Variants in DYNLRB1 observed in about 807,000 individuals in gnomAD.
DYNLRB1 encodes the protein ROBL/LC7-like 1.
A neutral mutation model predicts 13.5 loss-of-function variants in DYNLRB1; 6 were observed. That is an observed-to-expected ratio of 0.44 (90% CI 0.24 to 0.88). The LOEUF (loss-of-function observed/expected upper bound fraction) is 0.88, where lower values mean the gene tolerates loss of function less well. DYNLRB1 is among the 40% of genes least tolerant of loss of function. The pLI, the probability that DYNLRB1 is intolerant of heterozygous loss-of-function variation, is 0.21. For synonymous variants in DYNLRB1, 43 were observed against 45.0 expected, an observed-to-expected ratio of 0.96 and a Z score of 0.18; for missense variants, 93 against 127.2, an observed-to-expected ratio of 0.73 and a Z score of 1.29.
At chr20:34,522,753 C>G (rs1979856910) in intron 1 of DYNLRB1, among the ~76,000 whole-genome samples, 1 of 152,176 alleles carries the variant, frequency 6.6e-6, no homozygotes, top group Non-Finnish European at 1.5e-5. Flanking sequence ...GGATTACAGG[C>G]ATGAGCCACT....
intron 1 of DYNLRB1, 146 bp downstream of exon 1, chr20:34,516,607 T>C: frequency 6.6e-7 from 1 of 1,514,488 alleles, no homozygotes; most frequent in Non-Finnish European, 8.8e-7. Flanking sequence ...CCAGCCGACT[T>C]GAGGGTGGAA....
intron 2 of DYNLRB1, among the ~76,000 whole-genome samples, chr20:34,534,210 A>G (rs949856059): frequency 6.6e-6 from 1 of 152,214 alleles, no homozygotes; most frequent in Admixed American, 6.5e-5. Flanking sequence ...TTTGGACAAA[A>G]AAATAAAAAC....
At chr20:34,520,691 C>T (rs1393776664) in intron 1 of DYNLRB1, among the ~76,000 whole-genome samples, 7 of 151,934 alleles carry the variant, frequency 4.6e-5, no homozygotes, top group South Asian at 4.2e-4. Flanking sequence ...TCAGGTGATC[C>T]GCCTGCCTCA....
At chr20:34,538,661 C>T (rs986515270) in intron 3 of DYNLRB1, among the ~76,000 whole-genome samples, 6 of 152,082 alleles carry the variant, frequency 3.9e-5, no homozygotes, top group Non-Finnish European at 5.9e-5. Context: ...TTTCTGTTTT[C>T]ATTAGTGATT....
chr20:34,518,931 C>T (rs948034117), intron 1 of DYNLRB1, among the ~76,000 whole-genome samples: 2 of 150,378 alleles, frequency 1.3e-5, no homozygotes, highest in East Asian at 3.9e-4. Context: ...CTTGCCCTTT[C>T]GCCCAGGCTG....
At chr20:34,522,928 G>A (rs2146621129) in intron 1 of DYNLRB1, among the ~76,000 whole-genome samples, 1 of 152,310 alleles carries the variant, frequency 6.6e-6, no homozygotes, top group South Asian at 2.1e-4. Flanking sequence ...TTGCAGAAAT[G>A]CTTTTTATTT....
intron 1 of DYNLRB1, among the ~76,000 whole-genome samples, chr20:34,518,447 C>T (rs1169289109): frequency 1.3e-5 from 2 of 151,884 alleles, no homozygotes; most frequent in Non-Finnish European, 2.9e-5. Flanking sequence ...AAATAAAATT[C>T]CCACTCTCCT....
chr20:34,515,892 T>G (rs758481400), upstream of DYNLRB1, among the ~76,000 whole-genome samples: 1 of 151,688 alleles, frequency 6.6e-6, no homozygotes, highest in African/African-American at 2.4e-5. Flanking sequence ...ACCAGCATGG[T>G]TTTTGTTTTG....
chr20:34,517,053 A>G (rs1230392692), intron 1 of DYNLRB1, among the ~76,000 whole-genome samples: 1 of 152,012 alleles, frequency 6.6e-6, no homozygotes, highest in Non-Finnish European at 1.5e-5. Flanking sequence ...AGAGTCAGGA[A>G]CGGGCGGGGT....
At chr20:34,520,233 T>C (rs574612516) in intron 1 of DYNLRB1, among the ~76,000 whole-genome samples, 123 of 152,368 alleles carry the variant, frequency 8.1e-4, no homozygotes, top group African/African-American at 2.6e-3. Context: ...CTTCCTCTTT[T>C]GTTCACATAT....
rs560144364 is a variant in DYNLRB1 at position 34,529,796 on chromosome 20, C to T, written c.79+3453C>T. The T allele has an allele frequency of 1.3e-5, 17 of 1,337,684 alleles. No homozygotes were observed. The East Asian group carries it at 3.0e-4, about 24-fold the overall frequency. The allele number at this position is 1,337,684 out of a possible 1,614,324, so 82.9% of individuals were successfully genotyped here. ...CTGGCAAGCACAGAGCTAGACAGAA[C>T]GTGCTCCCCAGCCCTGTCTAGTTCT... On this transcript the variant is annotated intron_variant, in intron 2 of 3. Coordinates refer to ENST00000357156, the MANE Select transcript of DYNLRB1 (RefSeq NM_014183.4).
intron 1 of DYNLRB1, among the ~76,000 whole-genome samples, chr20:34,522,469 CTTTTTTTTTTTT>C (rs771811577): frequency 1.3e-5 from 1 of 77,212 alleles, no homozygotes; most frequent in South Asian, 5.2e-4. Context: ...TTTTCTTTTT[CTTTTTTTTTTTT>C]TTTTTTTTTT....
chr20:34,535,876 G>A (rs1326014900), intron 3 of DYNLRB1: 1 of 985,198 alleles, frequency 1.0e-6, no homozygotes, highest in African/African-American at 1.7e-5. Context: ...GGAAGGCAGT[G>A]GGGGGTCTGG....
At chr20:34,516,387 C>A, upstream of DYNLRB1, 6 of 1,595,852 alleles carry the variant, frequency 3.8e-6, no homozygotes, top group Non-Finnish European at 4.3e-6. Flanking sequence ...TTGACAGAAA[C>A]CTTTGCGCAG....
rs965965197 is a variant in DYNLRB1, at chr20:34,516,897, C to T, written c.3+436C>T. ...GTGAGGTAGATACAATCTTTAGTCC[C>T]ATTTTGTTATACATATCTGTTATTC... On this transcript the variant is annotated intron_variant, in intron 1 of 3. Transcript: ENST00000357156. 4.1e-6 allele frequency: 6 copies of T among 1,475,038 alleles called. No individual in the cohort carries two copies. The South Asian group carries it at 5.6e-5, about 14-fold the overall frequency. The allele number at this position is 1,475,038 out of a possible 1,614,324, so 91.4% of individuals were successfully genotyped here.
intron 2 of DYNLRB1, chr20:34,526,698 A>G (rs6087592): frequency 0.47 from 119,828 of 256,214 alleles, 28,480 homozygotes; most frequent in Middle Eastern, 0.53. Flanking sequence ...AGCCTCGTCC[A>G]GCACAGTTCC....
At chr20:34,520,610 GCT>G (rs1251197807) in intron 1 of DYNLRB1, among the ~76,000 whole-genome samples, 1 of 151,984 alleles carries the variant, frequency 6.6e-6, no homozygotes, top group Non-Finnish European at 1.5e-5. Context: ...ATGACGCCCA[GCT>G]AATTTTTGTA....
At chr20:34,525,630 G>A (rs912668757) in intron 1 of DYNLRB1, among the ~76,000 whole-genome samples, 1 of 152,128 alleles carries the variant, frequency 6.6e-6, no homozygotes, top group East Asian at 1.9e-4. Flanking sequence ...GGAAGGGTAG[G>A]ACAGGAGTGA....
At chr20:34,534,514 G>A (rs1980968733) in intron 2 of DYNLRB1, 114 bp from the exon 3 acceptor site, 1 of 1,311,558 alleles carries the variant, frequency 7.6e-7, no homozygotes, top group African/African-American at 1.5e-5. Context: ...GCCCTCTGCG[G>A]ATGGTGGCAT....
Sources: allele counts gnomAD v4.1 joint callset (sites outside exome capture counted in the v4.1 genomes callset), GRCh38; gene constraint gnomAD v4.1.1; transcripts MANE v1.5; gene names NCBI Gene and HGNC (gene_info 2026-07-23, HGNC 2026-07-21).